Variants in CAMTA1 observed in about 807,000 individuals in gnomAD.
The protein encoded by CAMTA1 is calmodulin-binding transcription activator 1.
In CAMTA1, 27 loss-of-function variants were observed where a neutral mutation model predicts 170.9. The observed-to-expected ratio is 0.16, with a 90% CI of 0.12 to 0.22. CAMTA1 has a LOEUF of 0.22. Ranked by LOEUF, CAMTA1 falls within the 10% of genes least tolerant of loss-of-function variation. The pLI is 1.00. For missense variants in CAMTA1, 1,619 were observed against 2,217.2 expected (o/e 0.73, Z 5.42); for synonymous variants, 833 against 891.5 (o/e 0.93, Z 1.17).
In CAMTA1 at chr1:7,218,962, G is replaced by C. The variant is rs182459252; in HGVS notation, c.303-30529G>C. Among the ~76,000 whole-genome samples, 64 of 152,242 alleles carry C rather than the reference G, an allele frequency of 4.2e-4. 1 individual carries two copies. In the East Asian group the frequency reaches 0.012, roughly 28 times the overall value. On this transcript the variant is annotated intron_variant, in intron 4 of 22. Coordinates refer to ENST00000303635, the MANE Select transcript of CAMTA1 (RefSeq NM_015215.4). The stretch of plus-strand genomic sequence containing the variant: ...TGGCTATCATTACCTTGGCGACCTG[G>C]AAGTCCCTTACGTGGCATTTTAGGA...
At chr1:7,021,449 C>T (rs2100956933) in intron 3 of CAMTA1, among the ~76,000 whole-genome samples, 1 of 152,356 alleles carries the variant, frequency 6.6e-6, no homozygotes, top group Admixed American at 6.5e-5. Flanking sequence ...CTGATTTTCC[C>T]TCTGTCTCTC....
At chr1:7,188,048 C>G (rs1287085125) in intron 4 of CAMTA1, among the ~76,000 whole-genome samples, 1 of 152,178 alleles carries the variant, frequency 6.6e-6, no homozygotes, top group Admixed American at 6.5e-5. Flanking sequence ...CAGGCACCTT[C>G]TTCACAAGGT....
At position 7,534,550 on chromosome 1, in the gene CAMTA1, C is replaced by T. The variant is rs2094527199; in HGVS notation, c.510+66649C>T. Among the ~76,000 whole-genome samples the T allele has an allele frequency of 6.6e-6, 1 of 152,228 alleles. No individual in the cohort carries two copies. Among genetic ancestry groups the T allele is most frequent in the African/African-American group, 2.4e-5 (1 of 41,452 alleles). ...GGCCCAGCCCTGTGGGGTGGCACTA[C>T]CTGCTCCCCACCTCCCCGGCCAGCC... On this transcript the variant is annotated intron_variant, in intron 6 of 22. Transcript: ENST00000303635. The surrounding 1 kb of genome is among the most constrained non-coding windows in gnomAD (Gnocchi z 5.6).
intron 1 of CAMTA1, among the ~76,000 whole-genome samples, chr1:6,804,449 C>G (rs1644278526): frequency 6.6e-6 from 1 of 152,036 alleles, no homozygotes; most frequent in Admixed American, 6.6e-5. Flanking sequence ...CTCTCTAATT[C>G]CACATTTTCA....
At chr1:7,427,726 T>C (rs1017409010) in intron 5 of CAMTA1, among the ~76,000 whole-genome samples, 1 of 152,230 alleles carries the variant, frequency 6.6e-6, no homozygotes, top group Non-Finnish European at 1.5e-5. Context: ...TGGGATGGGC[T>C]GTCCTCTCCC....
At chr1:6,955,706 C>T (rs1233111975) in intron 3 of CAMTA1, among the ~76,000 whole-genome samples, 1 of 152,150 alleles carries the variant, frequency 6.6e-6, no homozygotes, top group East Asian at 1.9e-4. Flanking sequence ...AAGATGTTCA[C>T]GGGGCTTAGT....
chr1:6,958,889 C>A (rs748809893), intron 3 of CAMTA1, among the ~76,000 whole-genome samples: 1 of 152,030 alleles, frequency 6.6e-6, no homozygotes, highest in Non-Finnish European at 1.5e-5. Flanking sequence ...TTAGTATTCA[C>A]GAAAAATGCT....
intron 4 of CAMTA1, among the ~76,000 whole-genome samples, chr1:7,140,658 GA>G (rs1344615769): frequency 2.7e-5 from 4 of 150,796 alleles, no homozygotes; most frequent in South Asian, 2.1e-4. Context: ...GAGTTTAAAA[GA>G]AAAAAAAAGC....
At chr1:7,101,937 C>T (rs2148252169) in intron 4 of CAMTA1, among the ~76,000 whole-genome samples, 1 of 152,176 alleles carries the variant, frequency 6.6e-6, no homozygotes, top group Non-Finnish European at 1.5e-5. Context: ...CACACATGCA[C>T]AAGCAAATAT....
intron 6 of CAMTA1, among the ~76,000 whole-genome samples, chr1:7,589,651 C>G (rs1258024263): frequency 1.3e-5 from 2 of 152,152 alleles, no homozygotes; most frequent in Non-Finnish European, 2.9e-5. Flanking sequence ...AAGGTTTGCT[C>G]CACGTTCTAG....
At chr1:7,473,444 C>G (rs1320803709) in intron 6 of CAMTA1, among the ~76,000 whole-genome samples, 2 of 152,206 alleles carry the variant, frequency 1.3e-5, no homozygotes, top group Admixed American at 6.5e-5. Context: ...AGTGGCCTCT[C>G]CAGGCTGCTA....
intron 5 of CAMTA1, among the ~76,000 whole-genome samples, chr1:7,437,598 A>T (rs575622969): frequency 6.6e-6 from 1 of 152,352 alleles, no homozygotes; most frequent in South Asian, 2.1e-4. Context: ...CCTGGGGGCT[A>T]GGACTTCAAC....
intron 5 of CAMTA1, among the ~76,000 whole-genome samples, chr1:7,425,496 G>T (rs76056894): frequency 0.016 from 2,379 of 152,182 alleles, 73 homozygotes; most frequent in African/African-American, 0.054. Flanking sequence ...ACGCTGCAAG[G>T]CCAGGGTCCT....
At chr1:6,879,624 T>TC (rs1413406685) in intron 3 of CAMTA1, among the ~76,000 whole-genome samples, 1 of 150,908 alleles carries the variant, frequency 6.6e-6, no homozygotes, top group Non-Finnish European at 1.5e-5. Flanking sequence ...TTTTTTTTTT[T>TC]TTTTTTGAGA....
rs541819555 is a variant in CAMTA1, at chr1:6,971,519, G to T, written c.235-119785G>T. ...CCCCCACCCTCACTACTAATTTTAC[G>T]TTGTCTTTGGAGTTGCTCAGGGGCC... On this transcript the variant is annotated intron_variant, in intron 3 of 22. Transcript: ENST00000303635. The surrounding 1 kb of genome is among the most constrained non-coding windows in gnomAD (Gnocchi z 4.6). Among the ~76,000 whole-genome samples, 2 of 152,126 alleles carry T rather than the reference G, an allele frequency of 1.3e-5. No homozygotes were observed. The highest frequency in any genetic ancestry group is 4.8e-5 in the African/African-American group (2 of 41,512).
intron 6 of CAMTA1, among the ~76,000 whole-genome samples, chr1:7,563,823 T>C (rs2094995984): frequency 6.6e-6 from 1 of 152,208 alleles, no homozygotes; most frequent in Non-Finnish European, 1.5e-5. Context: ...TTGTGTGCCC[T>C]GCAAACAAAG....
intron 10 of CAMTA1, among the ~76,000 whole-genome samples, chr1:7,676,239 GC>G (rs747211379): frequency 1.2e-4 from 18 of 152,242 alleles, no homozygotes; most frequent in Non-Finnish European, 2.5e-4. Context: ...CTTGGCCGGG[GC>G]TCCCTGCCCA....
intron 5 of CAMTA1, among the ~76,000 whole-genome samples, chr1:7,458,058 C>T (rs1425377063): frequency 2.0e-5 from 3 of 152,190 alleles, no homozygotes; most frequent in South Asian, 2.1e-4. Context: ...TCACCAGCTT[C>T]CTGTCTGGGG....
chr1:6,864,476 T>C (rs190101527), intron 3 of CAMTA1, among the ~76,000 whole-genome samples: 1 of 152,258 alleles, frequency 6.6e-6, no homozygotes, highest in Non-Finnish European at 1.5e-5. Flanking sequence ...TTGTTGTACT[T>C]GAGATACCAC....
Sources: gnomAD v4.1 joint callset for allele counts (sites outside exome capture counted in the v4.1 genomes callset) on GRCh38, gnomAD v4.1.1 for gene constraint, Gnocchi (gnomAD v3.1) non-coding constraint, MANE v1.5 for transcripts, NCBI Gene and HGNC (gene_info 2026-07-23, HGNC 2026-07-21) for gene names.